Variants in CCNY observed in about 807,000 individuals in gnomAD.
CCNY encodes cyclin Y.
In CCNY, 19 loss-of-function variants were observed where a neutral mutation model predicts 42.8. That is an observed-to-expected ratio of 0.44 (90% CI 0.31 to 0.65). CCNY has a LOEUF of 0.65. Among genes scored for constraint, CCNY ranks in the 30% least tolerant of loss-of-function variants. The pLI is 0.07. For synonymous variants in CCNY, 165 were observed against 162.7 expected, an observed-to-expected ratio of 1.01 and a Z score of -0.11; for missense variants, 370 against 437.3, an observed-to-expected ratio of 0.85 and a Z score of 1.37.
intron 1 of CCNY, among the ~76,000 whole-genome samples, chr10:35,379,336 A>G (rs1837126049): frequency 6.6e-6 from 1 of 152,030 alleles, no homozygotes; most frequent in Non-Finnish European, 1.5e-5. Context: ...GTGCCAAAGG[A>G]GGGGGCCCCA....
At chr10:35,495,641 A>T (rs1839989307) in intron 2 of CCNY, among the ~76,000 whole-genome samples, 1 of 152,236 alleles carries the variant, frequency 6.6e-6, no homozygotes, top group Non-Finnish European at 1.5e-5. Flanking sequence ...GGTCCTGGAC[A>T]GTTCAGAGCA....
intron 1 of CCNY, among the ~76,000 whole-genome samples, chr10:35,420,080 G>A (rs1054474047): frequency 6.6e-6 from 1 of 151,954 alleles, no homozygotes; most frequent in African/African-American, 2.4e-5. Context: ...CTATGTCTGT[G>A]CTTGCCTGAT....
At chr10:35,524,778 A>G (rs1840618416) in intron 4 of CCNY, among the ~76,000 whole-genome samples, 4 of 152,208 alleles carry the variant, frequency 2.6e-5, no homozygotes, top group Admixed American at 6.5e-5. Context: ...GAAAAAGGAA[A>G]ACTTTTTTGT....
chr10:35,447,678 G>A (rs903772529), intron 1 of CCNY, among the ~76,000 whole-genome samples: 5 of 152,158 alleles, frequency 3.3e-5, no homozygotes, highest in Non-Finnish European at 7.3e-5. Flanking sequence ...AATAACCCAA[G>A]GGTAGCATTT....
rs1380554823 is a variant in CCNY, at chr10:35,570,756, C to G, written c.*1586C>G. 1 of 152,230 alleles carries G rather than the reference C, an allele frequency of 6.6e-6. No homozygotes were observed. Among genetic ancestry groups the G allele is most frequent in the Non-Finnish European group, 1.5e-5 (1 of 68,024 alleles). 9.4% of individuals were successfully genotyped at this position (152,230 alleles called of 1,614,324 possible). ...CTGATCCCCAAACATTGCCTGCTCT[C>G]AATGAAACATGCTTTGGAAATGGAA... On this transcript the variant is annotated 3_prime_UTR_variant, in exon 10 of 10. Coordinates refer to ENST00000374704, the MANE Select transcript of CCNY (RefSeq NM_145012.6).
In CCNY at chr10:35,532,767, T is replaced by C. The variant is rs138857402; in HGVS notation, c.579+2524T>C. 5.0e-3 allele frequency among the ~76,000 whole-genome samples: 758 copies of C among 152,290 alleles called. 6 individuals carry two copies. Among genetic ancestry groups the C allele is most frequent in the Middle Eastern group, 0.01 (3 of 294 alleles). On this transcript the variant is annotated intron_variant, in intron 7 of 9. Transcript: ENST00000374704. ...CCCTCCACGAGGCCCTTCCCTTCCC[T>C]CAGGAGTCACCCAAGCTGACTGATC... is the stretch of plus-strand genomic sequence containing the variant.
intron 1 of CCNY, among the ~76,000 whole-genome samples, chr10:35,436,611 C>CTCT (rs1838539361): frequency 6.6e-6 from 1 of 152,192 alleles, no homozygotes; most frequent in African/African-American, 2.4e-5. Flanking sequence ...ACAGCACTTG[C>CTCT]TCTTACCCAC....
intron 8 of CCNY, among the ~76,000 whole-genome samples, chr10:35,564,549 T>C (rs1841529800): frequency 6.6e-6 from 1 of 152,102 alleles, no homozygotes; most frequent in Non-Finnish European, 1.5e-5. Flanking sequence ...CAGGACAGGA[T>C]GGTGCCTGCA....
intron 3 of CCNY, among the ~76,000 whole-genome samples, chr10:35,267,165 G>A (rs1486808969): frequency 3.3e-5 from 5 of 151,782 alleles, no homozygotes; most frequent in Admixed American, 1.3e-4. Flanking sequence ...ATTCCAGGAC[G>A]GGTGCAGAGT....
chr10:35,514,575 G>A (rs1214943855), intron 3 of CCNY, among the ~76,000 whole-genome samples: 1 of 152,196 alleles, frequency 6.6e-6, no homozygotes, highest in Non-Finnish European at 1.5e-5. Flanking sequence ...TATTCTGAGG[G>A]TTCCCATGAC....
At chr10:35,534,997 ATATGTG>A (rs752974184) in intron 7 of CCNY, among the ~76,000 whole-genome samples, 52 of 47,922 alleles carry the variant, frequency 1.1e-3, no homozygotes, top group African/African-American at 2.8e-3. Flanking sequence ...AGATCTATAT[ATATGTG>A]TGTGTGTGTG....
At chr10:35,410,376 A>C (rs1564400618) in intron 1 of CCNY, among the ~76,000 whole-genome samples, 1 of 152,164 alleles carries the variant, frequency 6.6e-6, no homozygotes, top group East Asian at 1.9e-4. Context: ...ATAAGGAGAG[A>C]AATTTCTAAG....
At chr10:35,454,414 C>G (rs1027569877) in intron 1 of CCNY, among the ~76,000 whole-genome samples, 9 of 152,210 alleles carry the variant, frequency 5.9e-5, no homozygotes, top group African/African-American at 2.2e-4. Flanking sequence ...ACTGTGAACC[C>G]CCCACCAGGA....
chr10:35,521,069 T>G (rs147944996), intron 4 of CCNY, among the ~76,000 whole-genome samples: 1 of 152,348 alleles, frequency 6.6e-6, no homozygotes, highest in African/African-American at 2.4e-5. Flanking sequence ...GTTTTAGGAT[T>G]GTCATATACA....
intron 3 of CCNY, among the ~76,000 whole-genome samples, chr10:35,256,352 A>G (rs1180126076): frequency 2.0e-5 from 3 of 152,036 alleles, no homozygotes; most frequent in Admixed American, 1.3e-4. Context: ...CGTTGTGTGT[A>G]TATCTGCAAC....
At chr10:35,314,000 A>T (rs1027228219) in intron 3 of CCNY, among the ~76,000 whole-genome samples, 13 of 150,128 alleles carry the variant, frequency 8.7e-5, no homozygotes, top group African/African-American at 3.2e-4. Flanking sequence ...AAAAAAAAAA[A>T]GTAAAATACT....
chr10:35,544,501 G>A (rs1293244130), intron 7 of CCNY, among the ~76,000 whole-genome samples: 1 of 152,162 alleles, frequency 6.6e-6, no homozygotes, highest in Non-Finnish European at 1.5e-5. Context: ...TTCCCACAAG[G>A]ATTGAATTGC....
intron 4 of CCNY, among the ~76,000 whole-genome samples, chr10:35,523,955 ATCT>A (rs1840598999): frequency 6.6e-6 from 1 of 152,224 alleles, no homozygotes; most frequent in African/African-American, 2.4e-5. Flanking sequence ...AAGCAGGAAC[ATCT>A]TCTTTCTCAA....
chr10:35,392,938 T>G (rs1837444868), intron 1 of CCNY, among the ~76,000 whole-genome samples: 1 of 152,166 alleles, frequency 6.6e-6, no homozygotes, highest in Non-Finnish European at 1.5e-5. Context: ...ATAGCTCTGC[T>G]AAGTCAGTTT....
Sources: gnomAD v4.1 joint callset for allele counts (sites outside exome capture counted in the v4.1 genomes callset) on GRCh38, gnomAD v4.1.1 for gene constraint, MANE v1.5 for transcripts, NCBI Gene and HGNC (gene_info 2026-07-23, HGNC 2026-07-21) for gene names.